The following NCOA3 variants were observed in gnomAD, a reference collection of about 807,000 sequenced individuals.
The protein encoded by NCOA3 is nuclear receptor coactivator 3.
In NCOA3, 51 loss-of-function variants were observed where a neutral mutation model predicts 158.8. The ratio of observed to expected loss-of-function variants is 0.32; its 90% CI spans 0.26 to 0.41. The LOEUF is 0.41. Ranked by LOEUF, NCOA3 falls within the 10% of genes least tolerant of loss-of-function variation. The probability of loss-of-function intolerance (pLI) is 1.00; values close to 1 mark genes in which losing one functional copy is unlikely to be tolerated. For synonymous variants in NCOA3, 537 were observed against 592.4 expected, an observed-to-expected ratio of 0.91 and a Z score of 1.36; for missense variants, 1,510 against 1,746.6, an observed-to-expected ratio of 0.86 and a Z score of 2.41.
chr20:47,537,343 C>T (rs2084650936), intron 1 of NCOA3, among the ~76,000 whole-genome samples: 1 of 149,552 alleles, frequency 6.7e-6, no homozygotes, highest in African/African-American at 2.5e-5. Flanking sequence ...TTTACTTTTG[C>T]CTGTGGTCAT....
At chr20:47,511,402 C>G (rs938313698) in intron 1 of NCOA3, among the ~76,000 whole-genome samples, 5 of 132,900 alleles carry the variant, frequency 3.8e-5, no homozygotes, top group Non-Finnish European at 8.1e-5. Context: ...TGTCCACCAC[C>G]ATGCCTAATT....
chr20:47,613,062 G>A (rs1394521439), intron 2 of NCOA3, among the ~76,000 whole-genome samples: 18 of 152,118 alleles, frequency 1.2e-4, no homozygotes, highest in Non-Finnish European at 2.5e-4. Flanking sequence ...GGAACCTTGC[G>A]CATAAAATAA....
At chr20:47,588,507 G>A (rs2085573864) in intron 2 of NCOA3, among the ~76,000 whole-genome samples, 1 of 151,980 alleles carries the variant, frequency 6.6e-6, no homozygotes, top group African/African-American at 2.4e-5. Context: ...ACAAAATTAA[G>A]TTTATTTACT....
In NCOA3 at chr20:47,588,190, A is replaced by G. The variant is rs373964272; in HGVS notation, c.-20+4929A>G. On this transcript the variant is annotated intron_variant, in intron 2 of 22. Transcript: ENST00000371998. ...GTCTTGGTTGCTCAGGCTGGAGTGC[A>G]GTGGTGCGACCTTGGCTCACTGCAA... Among the ~76,000 whole-genome samples the G allele has an allele frequency of 8.4e-5, 10 of 118,570 alleles. 1 individual carries two copies. The highest frequency in any genetic ancestry group is 5.9e-4 in the Admixed American group (5 of 8,470). 77.8% of individuals were successfully genotyped at this position (118,570 alleles called of 152,430 possible). A position where few individuals can be genotyped will look rare whatever the true frequency, so the allele number is the denominator to read the frequency against.
intron 1 of NCOA3, among the ~76,000 whole-genome samples, chr20:47,572,498 A>C (rs2085309628): frequency 6.6e-6 from 1 of 150,996 alleles, no homozygotes; most frequent in Non-Finnish European, 1.5e-5. Flanking sequence ...GCTTTTTGAC[A>C]TGCCTTCCTC....
chr20:47,536,354 C>G (rs2084632331), intron 1 of NCOA3, among the ~76,000 whole-genome samples: 1 of 152,136 alleles, frequency 6.6e-6, no homozygotes, highest in South Asian at 2.1e-4. Flanking sequence ...CCTTGGCCTC[C>G]CAAAGTGTTG....
chr20:47,543,656 C>T (rs971003407), intron 1 of NCOA3, among the ~76,000 whole-genome samples: 3 of 151,924 alleles, frequency 2.0e-5, no homozygotes, highest in Non-Finnish European at 4.4e-5. Flanking sequence ...ACTACTGGTG[C>T]GCACCACCAC....
Position 47,653,390 on chromosome 20 carries a change from T to TTC in NCOA3, c.4264-16_4264-15insTC. ...CTCATTTTTTTTTTTTTTTTTTTTT[T>TTC]CCTGGTTGCTGACAGAAATACTGCT... On this transcript the variant is annotated splice_polypyrimidine_tract_variant and intron_variant, in intron 22 of 22. Coordinates refer to ENST00000371998, the MANE Select transcript of NCOA3 (RefSeq NM_181659.3). The TTC allele has an allele frequency of 1.9e-6, 3 of 1,578,298 alleles. No individual in the cohort carries two copies. Among genetic ancestry groups the TTC allele is most frequent in the Non-Finnish European group, 2.6e-6 (3 of 1,169,762 alleles).
intron 2 of NCOA3, among the ~76,000 whole-genome samples, chr20:47,621,920 A>G (rs2086247571): frequency 6.6e-6 from 1 of 152,046 alleles, no homozygotes; most frequent in African/African-American, 2.4e-5. Flanking sequence ...CAGGTGATCC[A>G]CCTGCCTCGA....
Position 47,652,918 on chromosome 20 carries a change from T to C in NCOA3, c.4122-13T>C, listed in dbSNP as rs1368740573. 4.3e-6 allele frequency: 7 copies of C among 1,613,446 alleles called. No homozygotes were observed. The highest frequency in any genetic ancestry group is 5.9e-6 in the Non-Finnish European group (7 of 1,179,568). On this transcript the variant is annotated splice_polypyrimidine_tract_variant and intron_variant, in intron 21 of 22. Coordinates refer to ENST00000371998, the MANE Select transcript of NCOA3 (RefSeq NM_181659.3). ...GACTTCCAGAGGTAATATTACCATTTGTTTACTTACAGCTCCTTTTCCCAG... is the reference window on the plus strand; with the variant it reads ...GACTTCCAGAGGTAATATTACCATTCGTTTACTTACAGCTCCTTTTCCCAG...
intron 2 of NCOA3, among the ~76,000 whole-genome samples, chr20:47,597,367 G>C (rs897207195): frequency 6.6e-6 from 1 of 151,680 alleles, no homozygotes; most frequent in Non-Finnish European, 1.5e-5. Flanking sequence ...TTCAGTTTTG[G>C]GGAGTTTGTA....
At chr20:47,561,936 C>T (rs1471742287) in intron 1 of NCOA3, among the ~76,000 whole-genome samples, 1 of 152,078 alleles carries the variant, frequency 6.6e-6, no homozygotes, top group African/African-American at 2.4e-5. Flanking sequence ...TCCCCGTAAT[C>T]TCAGGCAACC....
rs2086859530 is a variant in NCOA3 at position 47,655,635 on chromosome 20, G to A, written c.*2218G>A. ...TGCTTTTCAGATAGTATACTCTCCT[G>A]TTTGGAGACAGAGGAAGAACCAGGT... On this transcript the variant is annotated 3_prime_UTR_variant, in exon 23 of 23. Transcript: ENST00000371998. 2 of 152,540 alleles carry A rather than the reference G, an allele frequency of 1.3e-5. No individual in the cohort carries two copies. Among genetic ancestry groups the A allele is most frequent in the Admixed American group, 1.3e-4 (2 of 15,268 alleles). The allele number at this position is 152,540 out of a possible 1,614,324, so 9.4% of individuals were successfully genotyped here. A position where few individuals can be genotyped will look rare whatever the true frequency, so the allele number is the denominator to read the frequency against.
intron 8 of NCOA3, among the ~76,000 whole-genome samples, chr20:47,629,885 CAT>C: frequency 6.6e-6 from 1 of 152,234 alleles, no homozygotes; most frequent in East Asian, 1.9e-4. Flanking sequence ...AAAAGTGATA[CAT>C]GTTTATTATA....
At chr20:47,588,641 T>C (rs1273258260) in intron 2 of NCOA3, among the ~76,000 whole-genome samples, 1 of 152,230 alleles carries the variant, frequency 6.6e-6, no homozygotes, top group Admixed American at 6.5e-5. Context: ...CCATGCCATT[T>C]TTCTTCAGTT....
At chr20:47,509,657 C>T (rs71351681) in intron 1 of NCOA3, among the ~76,000 whole-genome samples, 130 of 152,184 alleles carry the variant, frequency 8.5e-4, no homozygotes, top group Non-Finnish European at 1.4e-3. Flanking sequence ...CCTGTAATCC[C>T]AGCAATTTGG....
At chr20:47,641,899 C>T (rs2086617877) in intron 16 of NCOA3, among the ~76,000 whole-genome samples, 1 of 151,994 alleles carries the variant, frequency 6.6e-6, no homozygotes, top group Non-Finnish European at 1.5e-5. Flanking sequence ...TATCTTCTCC[C>T]ATCCTTCCCT....
chr20:47,621,508 A>C (rs2086240063), intron 2 of NCOA3, among the ~76,000 whole-genome samples: 1 of 152,148 alleles, frequency 6.6e-6, no homozygotes, highest in Non-Finnish European at 1.5e-5. Context: ...GTCTTGTTTT[A>C]AACAAGAGTT....
intron 8 of NCOA3, among the ~76,000 whole-genome samples, chr20:47,631,689 G>A (rs1483429905): frequency 1.3e-5 from 2 of 152,164 alleles, no homozygotes; most frequent in East Asian, 1.9e-4. Flanking sequence ...GTCCCTGCTG[G>A]CTTACTTTAA....
Sources: allele counts gnomAD v4.1 joint callset (sites outside exome capture counted in the v4.1 genomes callset), GRCh38; gene constraint gnomAD v4.1.1; transcripts MANE v1.5; gene names NCBI Gene and HGNC (gene_info 2026-07-23, HGNC 2026-07-21).